PDE12: variants seen among roughly 807,000 people sequenced by gnomAD.
PDE12 encodes phosphodiesterase 12, also known as 2',5'-phosphodiesterase 12.
PDE12 carries 26 observed loss-of-function variants against 45.4 expected under a neutral mutation model. That is an observed-to-expected ratio of 0.57 (90% CI 0.42 to 0.79). The LOEUF (loss-of-function observed/expected upper bound fraction) is 0.79, where lower values mean the gene tolerates loss of function less well. Among genes scored for constraint, PDE12 ranks in the 30% least tolerant of loss-of-function variants. The pLI is 0.00. For synonymous variants in PDE12, 283 were observed against 323.9 expected (o/e 0.87, Z 1.36); for missense variants, 668 against 790.0 (o/e 0.85, Z 1.85).
the PDE12 span, among the ~76,000 whole-genome samples, chr3:57,613,938 C>T: frequency 7.1e-6 from 1 of 140,044 alleles, no homozygotes; most frequent in East Asian, 2.1e-4. Context: ...TATGAAGACA[C>T]AAATAGGTTA....
chr3:57,592,134 C>T, the PDE12 span, among the ~76,000 whole-genome samples: 1 of 152,114 alleles, frequency 6.6e-6, no homozygotes, highest in Non-Finnish European at 1.5e-5. Context: ...ATGCCAGAGA[C>T]CTCAAATACT....
chr3:57,597,565 G>A, the PDE12 span: 1 of 161,128 alleles, frequency 6.2e-6, no homozygotes, highest in African/African-American at 2.4e-5. Context: ...CCACCGCCCG[G>A]ACGTGGCCCC....
the PDE12 span, among the ~76,000 whole-genome samples, chr3:57,632,627 A>C: frequency 6.6e-6 from 1 of 152,242 alleles, no homozygotes; most frequent in South Asian, 2.1e-4. Flanking sequence ...TATAATGTTC[A>C]TAGATATATT....
the PDE12 span, among the ~76,000 whole-genome samples, chr3:57,586,789 C>T: frequency 6.6e-6 from 1 of 151,912 alleles, no homozygotes; most frequent in Non-Finnish European, 1.5e-5. Flanking sequence ...AGATATAAAA[C>T]AAAGGGGGGT....
the PDE12 span, among the ~76,000 whole-genome samples, chr3:57,603,107 C>T: frequency 1.3e-5 from 2 of 151,608 alleles, no homozygotes; most frequent in African/African-American, 2.4e-5. Flanking sequence ...GCGGAGGTTG[C>T]AGTGAGCCAA....
chr3:57,590,132 T>TAAAA, the PDE12 span, among the ~76,000 whole-genome samples: 255 of 136,304 alleles, frequency 1.9e-3, 3 homozygotes, highest in East Asian at 8.4e-3. Flanking sequence ...AATAAATAAA[T>TAAAA]AAAACAAAAA....
the PDE12 span, among the ~76,000 whole-genome samples, chr3:57,642,821 C>T: frequency 5.9e-5 from 9 of 152,062 alleles, no homozygotes; most frequent in Non-Finnish European, 1.2e-4. Flanking sequence ...ACCTGGCCAA[C>T]ACGGTGAAAC....
chr3:57,611,498 A>T, the PDE12 span, among the ~76,000 whole-genome samples: 2 of 152,222 alleles, frequency 1.3e-5, no homozygotes, highest in Admixed American at 1.3e-4. Flanking sequence ...ACAAAGGGCT[A>T]ATATCTAGAA....
At chr3:57,634,691 T>C in the PDE12 span, 4 of 1,527,434 alleles carry the variant, frequency 2.6e-6, no homozygotes, top group Non-Finnish European at 3.5e-6. Context: ...TAAAAATCAA[T>C]AAAAGTCAAT....
At chr3:57,624,860 G>A in the PDE12 span, among the ~76,000 whole-genome samples, 1 of 152,098 alleles carries the variant, frequency 6.6e-6, no homozygotes, top group African/African-American at 2.4e-5. Context: ...TAAAAAGGTA[G>A]CAAATGAAGG....
At chr3:57,637,140 C>T in the PDE12 span, among the ~76,000 whole-genome samples, 1 of 152,092 alleles carries the variant, frequency 6.6e-6, no homozygotes, top group African/African-American at 2.4e-5. Flanking sequence ...TTAATCTTCA[C>T]AATAAGAGTT....
chr3:57,654,672 C>T, the PDE12 span: 1 of 985,240 alleles, frequency 1.0e-6, no homozygotes. Context: ...AATGAGGAAA[C>T]TATTTCTGTG....
At chr3:57,610,239 A>G in the PDE12 span, among the ~76,000 whole-genome samples, 1 of 152,200 alleles carries the variant, frequency 6.6e-6, no homozygotes, top group Non-Finnish European at 1.5e-5. Context: ...GTATCTCAAA[A>G]TAATCAGAGC....
At chr3:57,631,125 C>G in the PDE12 span, 1 of 641,872 alleles carries the variant, frequency 1.6e-6, no homozygotes, top group Non-Finnish European at 2.7e-6. Flanking sequence ...AGAGATATAG[C>G]TAAATTTAGA....
At chr3:57,652,182 T>C in the PDE12 span, among the ~76,000 whole-genome samples, 1 of 152,178 alleles carries the variant, frequency 6.6e-6, no homozygotes, top group African/African-American at 2.4e-5. Flanking sequence ...CAGAATACGG[T>C]AGAAATGACA....
chr3:57,614,263 G>T, the PDE12 span, among the ~76,000 whole-genome samples: 1 of 152,164 alleles, frequency 6.6e-6, no homozygotes, highest in East Asian at 1.9e-4. Flanking sequence ...TATATTCTGG[G>T]CCATAAAACA....
the PDE12 span, chr3:57,645,671 T>C: frequency 6.2e-7 from 1 of 1,611,244 alleles, no homozygotes; most frequent in African/African-American, 1.3e-5. Context: ...GGAGCTTGGG[T>C]ACGGGTAGTA....
At chr3:57,628,321 G>T in the PDE12 span, 1 of 1,614,060 alleles carries the variant, frequency 6.2e-7, no homozygotes, top group Non-Finnish European at 8.5e-7. Context: ...GGTTTCACAG[G>T]TAAGTGCTCT....
chr3:57,557,092 C>G lies in PDE12; in HGVS notation c.713C>G (p.Ser238Cys). Residue 238 changes from serine to cysteine, a missense_variant, in exon 1 of 3, where the codon TCC becomes TGC. Physicochemically the swap from Ser to Cys is moderately radical, Grantham distance 112. Coordinates refer to ENST00000311180, the MANE Select transcript of PDE12 (RefSeq NM_177966.7). The part of the protein sequence containing the change: ...TDVEERVYTP[S>C]NADIGLRLKL... ...GTGGAGGAGCGTGTCTACACCCCGT[C>G]CAATGCCGACATCGGGCTAAGGCTC... The G allele has an allele frequency of 1.2e-6, 2 of 1,614,054 alleles. No homozygotes were observed. Among genetic ancestry groups the G allele is most frequent in the Non-Finnish European group, 1.7e-6 (2 of 1,180,030 alleles).
Sources: gnomAD v4.1 joint callset for allele counts (sites outside exome capture counted in the v4.1 genomes callset) on GRCh38, gnomAD v4.1.1 for gene constraint, MANE v1.5 for transcripts, NCBI Gene and HGNC (gene_info 2026-07-23, HGNC 2026-07-21) for gene names.